Variants in KIR2DL3 observed in about 807,000 individuals in gnomAD.
The protein encoded by KIR2DL3 is killer cell immunoglobulin-like receptor 2DL3.
In KIR2DL3, 39 loss-of-function variants were observed where a neutral mutation model predicts 33.8. The observed-to-expected ratio is 1.15, with a 90% CI of 0.89 to 1.51. KIR2DL3 has a LOEUF of 1.51. Among genes scored for constraint, KIR2DL3 ranks in the 40% most tolerant of loss-of-function variants. KIR2DL3 has a pLI of 0.00. For missense variants in KIR2DL3, 462 were observed against 426.2 expected, an observed-to-expected ratio of 1.08 and a Z score of -0.74; for synonymous variants, 174 against 160.2, an observed-to-expected ratio of 1.09 and a Z score of -0.65.
At chr19:54,748,615 T>C (rs1411645698) in intron 5 of KIR2DL3, among the ~76,000 whole-genome samples, 1 of 148,234 alleles carries the variant, frequency 6.7e-6, no homozygotes, top group Non-Finnish European at 1.5e-5. Flanking sequence ...ATGAAATCTA[T>C]TTTTTGTTTG....
intron 4 of KIR2DL3, 49 bp downstream of exon 4, chr19:54,744,137 G>T (rs1461215473): frequency 3.7e-6 from 6 of 1,606,622 alleles, no homozygotes; most frequent in Non-Finnish European, 5.1e-6. Flanking sequence ...TAGAGCCTTA[G>T]CTGAGGAGCT....
intron 5 of KIR2DL3, among the ~76,000 whole-genome samples, chr19:54,747,889 C>T (rs989380183): frequency 6.7e-3 from 1,015 of 152,272 alleles, no homozygotes; most frequent in African/African-American, 0.023. Flanking sequence ...CAGCCACGGC[C>T]CCATGCTCAG....
intron 2 of KIR2DL3, among the ~76,000 whole-genome samples, chr19:54,740,376 G>A (rs2070797438): frequency 6.6e-6 from 1 of 151,812 alleles, no homozygotes; most frequent in South Asian, 2.1e-4. Context: ...ACTTCAGTCT[G>A]TAAAAGGAAG....
At chr19:54,741,341 AT>A (rs2071058729) in intron 2 of KIR2DL3, among the ~76,000 whole-genome samples, 1 of 150,580 alleles carries the variant, frequency 6.6e-6, no homozygotes, top group Admixed American at 6.7e-5. Context: ...CTCTGTCTCC[AT>A]AATTAATTAA....
intron 4 of KIR2DL3, among the ~76,000 whole-genome samples, chr19:54,745,304 A>G (rs1398723063): frequency 2.0e-5 from 3 of 152,168 alleles, no homozygotes; most frequent in African/African-American, 7.2e-5. Flanking sequence ...TCCTTTGGAT[A>G]TAAACCCAGT....
intron 1 of KIR2DL3, 113 bp downstream of exon 1, chr19:54,738,692 C>G: frequency 1.3e-6 from 2 of 1,563,300 alleles, no homozygotes; most frequent in Non-Finnish European, 1.8e-6. Context: ...AGTGATGGGC[C>G]TAGAAGTGGA....
At chr19:54,744,944 ATATATATATATTTTTTTTT>A (rs2072155151) in intron 4 of KIR2DL3, among the ~76,000 whole-genome samples, 1 of 26,820 alleles carries the variant, frequency 3.7e-5, no homozygotes, top group African/African-American at 1.2e-4. Flanking sequence ...ATATATATAT[ATATATATATATTTTTTTTT>A]TTTTTTTTTT....
rs1201303086 is a variant in KIR2DL3 at position 54,742,172 on chromosome 19, G to T, written c.263G>T (p.Gly88Val). The change falls in exon 3 of 8, where the codon GGT becomes GTT. Residue 88 changes from glycine to valine, a missense_variant. Coordinates refer to ENST00000342376, the MANE Select transcript of KIR2DL3 (RefSeq NM_015868.3). The stretch of plus-strand genomic sequence containing the variant: ...GTCTCCAAGGCCAACTTCTCCATCG[G>T]TCCCATGATGCAAGACCTTGCAGGG... ...DGVSKANFSI[G>V]PMMQDLAGTY... 6.8e-6 allele frequency: 11 copies of T among 1,614,004 alleles called. No homozygotes were observed. In the East Asian group the frequency reaches 1.3e-4, roughly 20 times the overall value.
chr19:54,741,640 G>T (rs2071137029), intron 2 of KIR2DL3, among the ~76,000 whole-genome samples: 1 of 151,840 alleles, frequency 6.6e-6, no homozygotes, highest in Non-Finnish European at 1.5e-5. Flanking sequence ...ATTGAACCAG[G>T]CTGATAAGAG....
intron 2 of KIR2DL3, among the ~76,000 whole-genome samples, chr19:54,740,879 G>A (rs1280422975): frequency 1.3e-5 from 2 of 151,986 alleles, no homozygotes; most frequent in Non-Finnish European, 2.9e-5. Flanking sequence ...AGAGGGGAGT[G>A]GGGATTAGAG....
At chr19:54,747,911 C>T (rs944918087) in intron 5 of KIR2DL3, among the ~76,000 whole-genome samples, 1,665 of 146,358 alleles carry the variant, frequency 0.011, 33 homozygotes, top group African/African-American at 0.037. Context: ...CTGTGCAGTG[C>T]GGAACCTTTT....
intron 2 of KIR2DL3, 128 bp from the exon 3 acceptor site, chr19:54,741,852 A>T: frequency 7.9e-7 from 1 of 1,268,098 alleles, no homozygotes; most frequent in Non-Finnish European, 1.1e-6. Flanking sequence ...GGGCACAGAA[A>T]AGAACATGAA....
chr19:54,751,737 G>C lies in KIR2DL3; in HGVS notation c.804G>C (p.Trp268Cys), dbSNP rs796207535. The C allele has an allele frequency of 6.8e-7, 1 of 1,468,866 alleles. No individual in the cohort carries two copies. Among genetic ancestry groups the C allele is most frequent in the African/African-American group, 1.5e-5 (1 of 64,714 alleles). The allele number at this position is 1,468,866 out of a possible 1,614,324, so 91.0% of individuals were successfully genotyped here. A position where few individuals can be genotyped will look rare whatever the true frequency, so the allele number is the denominator to read the frequency against. ...TCCTCTTCTTTCTCCTTCATCGCTG[G>C]TGCTGCAACAAAAAAAGTAAGTCTC... ...ILLLFFLLHRWCCNKKNAVVM... is the reference protein window; with the variant it reads ...ILLLFFLLHRCCCNKKNAVVM... The change falls in exon 6 of 8, where the codon TGG becomes TGC. Residue 268 changes from tryptophan to cysteine, a missense_variant. Transcript: ENST00000342376.
Position 54,742,228 on chromosome 19 carries a change from T to A in KIR2DL3, c.319T>A (p.Ser107Thr), listed in dbSNP as rs1280946979. The A allele has an allele frequency of 6.2e-7, 1 of 1,613,982 alleles. No homozygotes were observed. The highest frequency in any genetic ancestry group is 8.5e-7 in the Non-Finnish European group (1 of 1,179,970). Residue 107 changes from serine to threonine, a missense_variant, in exon 3 of 8, where the codon TCC (serine) becomes ACC (threonine). Coordinates refer to ENST00000342376, the MANE Select transcript of KIR2DL3 (RefSeq NM_015868.3). ...TYRCYGSVTHSPYQLSAPSDP... is the reference protein window; with the variant it reads ...TYRCYGSVTHTPYQLSAPSDP... ...CAGATGCTACGGTTCTGTTACTCACTCCCCCTATCAGTTGTCAGCTCCCAG... is the reference window on the plus strand; with the variant it reads ...CAGATGCTACGGTTCTGTTACTCACACCCCCTATCAGTTGTCAGCTCCCAG...
Position 54,749,938 on chromosome 19 carries a change from A to G in KIR2DL3, c.716-1711A>G, listed in dbSNP as rs1409423082. On this transcript the variant is annotated intron_variant, in intron 5 of 7. Transcript: ENST00000342376. ...AAGAAATACATAAATATAATAAAAC[A>G]CACACGAATGACAAAGGCACCTGAA... Among the ~76,000 whole-genome samples the G allele has an allele frequency of 2.7e-5, 3 of 109,668 alleles. 1 individual carries two copies. Among genetic ancestry groups the G allele is most frequent in the African/African-American group, 1.1e-4 (3 of 26,968 alleles). The allele number at this position is 109,668 out of a possible 152,430, so 71.9% of individuals were successfully genotyped here.
intron 3 of KIR2DL3, 74 bp from the exon 4 acceptor site, chr19:54,743,721 T>C (rs1439596284): frequency 4.8e-6 from 6 of 1,240,762 alleles, no homozygotes; most frequent in Non-Finnish European, 6.7e-6. Context: ...AGCAGGGGAG[T>C]GAGTTCTCAG....
chr19:54,744,897 T>TTTTTTACCCTCC (rs2072068309), intron 4 of KIR2DL3, among the ~76,000 whole-genome samples: 3 of 57,482 alleles, frequency 5.2e-5, no homozygotes, highest in Admixed American at 2.0e-4. Flanking sequence ...TATATATATA[T>TTTTTTACCCTCC]ACACACACAC....
intron 6 of KIR2DL3, 103 bp downstream of exon 6, chr19:54,751,856 C>A: frequency 9.7e-7 from 1 of 1,029,452 alleles, no homozygotes. Flanking sequence ...GTCCCTGGCC[C>A]AAGGCAGCAG....
At chr19:54,744,684 G>C (rs765342154) in intron 4 of KIR2DL3, among the ~76,000 whole-genome samples, 1 of 150,132 alleles carries the variant, frequency 6.7e-6, no homozygotes, top group African/African-American at 2.5e-5. Flanking sequence ...GCACCACCAC[G>C]CCAGGCTACT....
Sources: gnomAD v4.1 joint callset for allele counts (sites outside exome capture counted in the v4.1 genomes callset) on GRCh38, gnomAD v4.1.1 for gene constraint, MANE v1.5 for transcripts, NCBI Gene and HGNC (gene_info 2026-07-23, HGNC 2026-07-21) for gene names.